PYROXD1: variants seen among roughly 807,000 people sequenced by gnomAD.
PYROXD1 encodes the protein pyridine nucleotide-disulphide oxidoreductase domain 1.
A neutral mutation model predicts 62.0 loss-of-function variants in PYROXD1; 42 were observed. The observed-to-expected ratio is 0.68, with a 90% CI of 0.53 to 0.88. The LOEUF is 0.88. PYROXD1 is among the 40% of genes least tolerant of loss of function. The pLI is 0.00. For missense variants in PYROXD1, 493 were observed against 604.8 expected (o/e 0.82, Z 1.94); for synonymous variants, 170 against 206.4 (o/e 0.82, Z 1.51).
At chr12:21,438,129 C>T (rs73071759) in intron 1 of PYROXD1, 6,427 of 316,852 alleles carry the variant, frequency 0.02, 95 homozygotes, top group Middle Eastern at 0.055. Context: ...ATTCAGCCCC[C>T]TTTCTTTTTA....
chr12:21,437,805 T>C lies in PYROXD1; in HGVS notation c.75T>C (p.Cys25=), dbSNP rs1451761766. The part of the protein sequence containing the change: ...VVGGGIAGVT[C]AEQLATHFPS... ...GCGGCGGCATCGCGGGCGTCACTTG[T>C]GCGGAGCAGGTAGGGCGGTGCTCAG... The change falls in exon 1 of 12, where the codon TGT becomes TGC. Residue 25 remains cysteine (C), a synonymous_variant. Transcript: ENST00000240651. 2 of 1,612,568 alleles carry C rather than the reference T, an allele frequency of 1.2e-6. No individual in the cohort carries two copies. Among genetic ancestry groups the C allele is most frequent in the East Asian group, 2.2e-5 (1 of 44,842 alleles).
intron 4 of PYROXD1, 85 bp downstream of exon 4, chr12:21,449,776 A>C: frequency 2.4e-6 from 3 of 1,231,148 alleles, no homozygotes; most frequent in Non-Finnish European, 3.4e-6. Flanking sequence ...CAATTCCTAA[A>C]CTGTAAGGGC....
chr12:21,465,045 A>G (rs1431347575), intron 10 of PYROXD1, among the ~76,000 whole-genome samples: 1 of 152,184 alleles, frequency 6.6e-6, no homozygotes, highest in Non-Finnish European at 1.5e-5. Context: ...TATATGTGCC[A>G]CATTTTCTTA....
At chr12:21,453,784 G>C (rs73067995) in intron 5 of PYROXD1, among the ~76,000 whole-genome samples, 3,050 of 152,076 alleles carry the variant, frequency 0.02, 37 homozygotes, top group Middle Eastern at 0.051. Context: ...TCAGTCATCA[G>C]TATGCTGAAG....
intron 11 of PYROXD1, 34 bp downstream of exon 11, chr12:21,467,652 C>T: frequency 1.3e-6 from 2 of 1,495,628 alleles, no homozygotes; most frequent in Non-Finnish European, 1.8e-6. Flanking sequence ...GCCTTCTCTG[C>T]TTGTTAGTCT....
chr12:21,460,407 T>A (rs962178416), intron 7 of PYROXD1, among the ~76,000 whole-genome samples: 5 of 148,290 alleles, frequency 3.4e-5, no homozygotes, highest in Admixed American at 6.9e-5. Flanking sequence ...TTTATTTATT[T>A]ATTTATTTAT....
intron 2 of PYROXD1, 67 bp downstream of exon 2, chr12:21,440,515 G>A: frequency 1.2e-6 from 1 of 829,484 alleles, no homozygotes; most frequent in East Asian, 2.5e-5. Flanking sequence ...ATAGCAGTTA[G>A]GGTAATTGTG....
chr12:21,469,371 G>C lies in PYROXD1; in HGVS notation c.*617G>C, dbSNP rs1461777021. The C allele has an allele frequency of 1.3e-5, 2 of 151,214 alleles. No individual in the cohort carries two copies. Among genetic ancestry groups the C allele is most frequent in the Non-Finnish European group, 2.9e-5 (2 of 67,874 alleles). 9.4% of individuals were successfully genotyped at this position (151,214 alleles called of 1,614,324 possible). The stretch of plus-strand genomic sequence containing the variant: ...TTTCTTAAAACATGAGATTTTTCTT[G>C]CAATTTTTTTTTTTTTAAGCTCATC... On this transcript the variant is annotated 3_prime_UTR_variant, in exon 12 of 12. Coordinates refer to ENST00000240651, the MANE Select transcript of PYROXD1 (RefSeq NM_024854.5).
Position 21,441,913 on chromosome 12 carries a change from A to G in PYROXD1, c.165+1465A>G, listed in dbSNP as rs201554762. Reference sequence around the variant, plus strand: ...TCCCCTATGGGGAGGGCTGCTTGCTAGATGGGATGTAGCAGTTCTGGCACC... The same window carrying G: ...TCCCCTATGGGGAGGGCTGCTTGCTGGATGGGATGTAGCAGTTCTGGCACC... On this transcript the variant is annotated intron_variant, in intron 2 of 11. Coordinates refer to ENST00000240651, the MANE Select transcript of PYROXD1 (RefSeq NM_024854.5). Among the ~76,000 whole-genome samples, 4 of 152,200 alleles carry G rather than the reference A, an allele frequency of 2.6e-5. No individual in the cohort carries two copies. The East Asian group carries it at 7.7e-4, about 29-fold the overall frequency.
At chr12:21,462,473 A>G (rs1272300797) in intron 9 of PYROXD1, among the ~76,000 whole-genome samples, 4 of 146,128 alleles carry the variant, frequency 2.7e-5, no homozygotes, top group Non-Finnish European at 6.0e-5. Context: ...AAAAAAAAAA[A>G]GAATATTCTT....
At position 21,468,633 on chromosome 12, in the gene PYROXD1, T is replaced by A. The variant is rs148866423; in HGVS notation, c.1382T>A (p.Leu461Ter). Residue 461 changes from leucine to a stop codon, truncating the protein, a stop_gained, in exon 12 of 12, where the codon TTA becomes TAA. Coordinates refer to ENST00000240651, the MANE Select transcript of PYROXD1 (RefSeq NM_024854.5). LOFTEE classifies it high-confidence loss of function. ...AATGGACGAATGATGGGAGCTGTCT[T>A]AATTGGTGAAACCGATTTAGAAGAA... is the stretch of plus-strand genomic sequence containing the variant. ...MQNGRMMGAVLIGETDLEETF... is the reference protein window; with the variant it reads ...MQNGRMMGAV The A allele has an allele frequency of 1.2e-6, 2 of 1,612,930 alleles. No homozygotes were observed. The highest frequency in any genetic ancestry group is 2.7e-5 in the African/African-American group (2 of 74,890).
At chr12:21,448,828 T>G (rs7310953) in intron 3 of PYROXD1, among the ~76,000 whole-genome samples, 75,125 of 151,972 alleles carry the variant, frequency 0.49, 18,618 homozygotes, top group Middle Eastern at 0.59. Flanking sequence ...AAAAGCAATA[T>G]ATCTCTGATA....
chr12:21,448,419 T>G (rs984800853), intron 3 of PYROXD1: 51 of 204,610 alleles, frequency 2.5e-4, no homozygotes, highest in Non-Finnish European at 3.8e-4. Context: ...GTTTTTGTGT[T>G]TGTTTGTGCT....
At chr12:21,450,645 T>C (rs1438389042) in intron 4 of PYROXD1, among the ~76,000 whole-genome samples, 1 of 152,248 alleles carries the variant, frequency 6.6e-6, no homozygotes, top group Non-Finnish European at 1.5e-5. Context: ...TTCTGTCTCA[T>C]GACATGATGA....
chr12:21,456,489 G>A (rs973437255), intron 7 of PYROXD1, among the ~76,000 whole-genome samples: 10 of 152,116 alleles, frequency 6.6e-5, no homozygotes, highest in African/African-American at 2.2e-4. Context: ...TATTAAATGT[G>A]CATTAGCATT....
At position 21,455,868 on chromosome 12, in the gene PYROXD1, CAT is replaced by C. The variant is rs551054003; in HGVS notation, c.650-125_650-124del. On this transcript the variant is annotated intron_variant, in intron 6 of 11. Transcript: ENST00000240651. ...TGACTAAAATGATTAATATAGATAA[CAT>C]AGGTTAGTCATGCTGTAATGTATGT... The C allele has an allele frequency of 1.2e-3, 722 of 625,346 alleles. 5 individuals are homozygous for C. The highest frequency in any genetic ancestry group is 0.011 in the African/African-American group (607 of 53,294). 38.7% of individuals were successfully genotyped at this position (625,346 alleles called of 1,614,324 possible).
chr12:21,444,226 T>C (rs932856807), intron 2 of PYROXD1, among the ~76,000 whole-genome samples: 1 of 152,224 alleles, frequency 6.6e-6, no homozygotes, highest in Non-Finnish European at 1.5e-5. Context: ...GGTTGTGAAC[T>C]TAAATGTGCC....
At chr12:21,459,414 C>G (rs1180452275) in intron 7 of PYROXD1, among the ~76,000 whole-genome samples, 1 of 152,174 alleles carries the variant, frequency 6.6e-6, no homozygotes, top group Non-Finnish European at 1.5e-5. Context: ...TTATGTATTT[C>G]TTCATCTGTT....
intron 4 of PYROXD1, among the ~76,000 whole-genome samples, chr12:21,450,435 T>TA (rs1942474280): frequency 6.6e-6 from 1 of 152,210 alleles, no homozygotes; most frequent in South Asian, 2.1e-4. Flanking sequence ...TACAAAATCA[T>TA]GATAGAATCA....
Sources: gnomAD v4.1 joint callset for allele counts (sites outside exome capture counted in the v4.1 genomes callset) on GRCh38, gnomAD v4.1.1 for gene constraint, MANE v1.5 for transcripts, NCBI Gene and HGNC (gene_info 2026-07-23, HGNC 2026-07-21) for gene names.